The following HNRNPM variants were observed in gnomAD, a reference collection of about 807,000 sequenced individuals.
HNRNPM encodes heterogeneous nuclear ribonucleoprotein M, also known as CEA receptor.
In HNRNPM, 11 loss-of-function variants were observed where a neutral mutation model predicts 73.1. That is an observed-to-expected ratio of 0.15 (90% CI 0.09 to 0.25). The LOEUF (loss-of-function observed/expected upper bound fraction) is 0.25. Among genes scored for constraint, HNRNPM ranks in the 10% least tolerant of loss-of-function variants. HNRNPM has a pLI of 1.00. For missense variants in HNRNPM, 789 were observed against 1,067.9 expected (o/e 0.74, Z 3.64); for synonymous variants, 407 against 355.2 (o/e 1.15, Z -1.64).
intron 5 of HNRNPM, among the ~76,000 whole-genome samples, chr19:8,464,616 G>A (rs1340174181): frequency 2.6e-5 from 4 of 152,194 alleles, no homozygotes; most frequent in Non-Finnish European, 5.9e-5. Flanking sequence ...TGGGCAGTAA[G>A]AGCAAAGCTC....
chr19:8,472,473 A>G (rs920676060), intron 10 of HNRNPM, among the ~76,000 whole-genome samples: 3 of 152,130 alleles, frequency 2.0e-5, no homozygotes, highest in Non-Finnish European at 2.9e-5. Flanking sequence ...CCCCGACCCA[A>G]AACACACACA....
intron 2 of HNRNPM, among the ~76,000 whole-genome samples, chr19:8,459,054 A>G (rs757100465): frequency 1.3e-5 from 2 of 152,046 alleles, no homozygotes; most frequent in Non-Finnish European, 2.9e-5. Context: ...CAGCCTCCCA[A>G]GTAGCCGGGA....
At position 8,481,114 on chromosome 19, in the gene HNRNPM, C is replaced by T. The variant is rs142194930; in HGVS notation, c.1121-2044C>T. On this transcript the variant is annotated intron_variant, in intron 12 of 15. Coordinates refer to ENST00000325495, the MANE Select transcript of HNRNPM (RefSeq NM_005968.5). ...AGTGCTTTCCTACTCGGTGCCCCTT[C>T]CTGTGCCTAGGCAGTAGATCTTTGC... 1.3e-3 allele frequency among the ~76,000 whole-genome samples: 193 copies of T among 152,336 alleles called. 3 individuals are homozygous for T. The South Asian group carries it at 0.013, about 11-fold the overall frequency.
Position 8,485,749 on chromosome 19 carries a change from A to ATGGACCGCATGGGCTCCG in HNRNPM, c.1326_1343dup (p.Asp442_Val447dup), listed in dbSNP as rs766619493. ...CGAGATCGAGCGCATGGGCCTGGTCATGGACCGCATGGGCTCCGTGGAGCG... is the reference window on the plus strand; with the variant it reads ...CGAGATCGAGCGCATGGGCCTGGTCATGGACCGCATGGGCTCCGTGGACCGCATGGGCTCCGTGGAGCG... On this transcript the variant is annotated inframe_insertion, in exon 14 of 16. Transcript: ENST00000325495. The ATGGACCGCATGGGCTCCG allele has an allele frequency of 1.2e-6, 2 of 1,604,762 alleles. No individual in the cohort carries two copies. Among genetic ancestry groups the ATGGACCGCATGGGCTCCG allele is most frequent in the South Asian group, 1.1e-5 (1 of 91,022 alleles).
chr19:8,479,746 C>A (rs769108739), intron 12 of HNRNPM, among the ~76,000 whole-genome samples: 118 of 125,672 alleles, frequency 9.4e-4, no homozygotes, highest in Non-Finnish European at 1.6e-3. Context: ...GCCTGGCCAG[C>A]GGTGTATTTA....
intron 14 of HNRNPM, among the ~76,000 whole-genome samples, chr19:8,486,715 G>A (rs998736012): frequency 3.9e-5 from 6 of 152,196 alleles, no homozygotes; most frequent in African/African-American, 9.6e-5. Flanking sequence ...TGGCTGTAAC[G>A]GAATTATTTT....
chr19:8,476,503 T>C (rs112070454), intron 12 of HNRNPM, among the ~76,000 whole-genome samples: 1 of 151,674 alleles, frequency 6.6e-6, no homozygotes, highest in African/African-American at 2.4e-5. Context: ...AATCAAAAGA[T>C]TGTTAAATGT....
At chr19:8,453,643 G>A (rs928633527) in intron 1 of HNRNPM, among the ~76,000 whole-genome samples, 1 of 152,064 alleles carries the variant, frequency 6.6e-6, no homozygotes. Flanking sequence ...CCCGTGGTCT[G>A]GGAGTCACTG....
chr19:8,482,214 C>T (rs1970969900), intron 12 of HNRNPM, among the ~76,000 whole-genome samples: 2 of 152,154 alleles, frequency 1.3e-5, no homozygotes, highest in South Asian at 4.1e-4. Context: ...GCCTTGGCCT[C>T]CCAAAGTGCT....
At chr19:8,486,772 G>A (rs926356016) in intron 14 of HNRNPM, among the ~76,000 whole-genome samples, 3 of 152,222 alleles carry the variant, frequency 2.0e-5, no homozygotes, top group Non-Finnish European at 1.5e-5. Context: ...TGTGGGCTGC[G>A]CACCGCAGGC....
chr19:8,483,019 G>C (rs1971027970), intron 12 of HNRNPM, 139 bp from the exon 13 acceptor site: 1 of 624,876 alleles, frequency 1.6e-6, no homozygotes, highest in East Asian at 2.8e-5. Flanking sequence ...GATCTTGTCT[G>C]TGCGTGTGTT....
intron 13 of HNRNPM, among the ~76,000 whole-genome samples, 186 bp from the exon 14 acceptor site, chr19:8,485,417 C>T (rs543835717): frequency 1.1e-4 from 17 of 152,342 alleles, no homozygotes; most frequent in African/African-American, 3.8e-4. Context: ...AGAGAGAATG[C>T]TGGGAGGCCC....
intron 1 of HNRNPM, among the ~76,000 whole-genome samples, chr19:8,454,686 T>C (rs201950387): frequency 0.034 from 2,061 of 60,206 alleles, 29 homozygotes; most frequent in East Asian, 0.14. Context: ...CCCCCCCCCT[T>C]TTTTTTTTTA....
intron 13 of HNRNPM, among the ~76,000 whole-genome samples, chr19:8,484,949 A>T (rs1024463640): frequency 2.6e-5 from 4 of 151,916 alleles, no homozygotes; most frequent in Non-Finnish European, 4.4e-5. Context: ...TTCCAAAGCC[A>T]GCAAGTCATT....
At chr19:8,471,255 C>A in intron 9 of HNRNPM, 71 bp from the exon 10 acceptor site, 1 of 932,630 alleles carries the variant, frequency 1.1e-6, no homozygotes, top group Non-Finnish European at 1.6e-6. Flanking sequence ...ACTCACTAAA[C>A]ACTCTTTTCC....
At position 8,466,983 on chromosome 19, in the gene HNRNPM, G is replaced by A. The variant is rs535386001; in HGVS notation, c.785-552G>A. 4.5e-4 allele frequency among the ~76,000 whole-genome samples: 69 copies of A among 152,220 alleles called. 2 individuals carry two copies. Among genetic ancestry groups the A allele is most frequent in the South Asian group, 3.9e-3 (19 of 4,830 alleles). On this transcript the variant is annotated intron_variant, in intron 7 of 15. Coordinates refer to ENST00000325495, the MANE Select transcript of HNRNPM (RefSeq NM_005968.5). ...CTAGGTTTGAAGGAGGAAGTCCAAA[G>A]AATGTGCTACTAGAGAGAAAGTGGG...
intron 12 of HNRNPM, among the ~76,000 whole-genome samples, chr19:8,482,249 G>A (rs1258423711): frequency 4.6e-5 from 7 of 152,164 alleles, no homozygotes; most frequent in Admixed American, 2.0e-4. Flanking sequence ...GAGCTACTGC[G>A]CGGCCGGGGG....
rs776820981 is a variant in HNRNPM, at chr19:8,485,995, G to A, written c.1567G>A (p.Glu523Lys). Residue 523 changes from glutamate (E) to lysine (K), a missense_variant, in exon 14 of 16, where the codon GAG becomes AAG. By Grantham distance (56) the Glu-to-Lys change is moderately conservative. This residue lies in a region of HNRNPM where 604 missense variants were observed against 744.0 expected (regional missense o/e 0.81). Coordinates refer to ENST00000325495, the MANE Select transcript of HNRNPM (RefSeq NM_005968.5). The stretch of plus-strand genomic sequence containing the variant: ...CGTGGAGCGCATGGGCCCTGCCATC[G>A]AGCGCATGGGCCTGAGCATGGAGCG... ...SGVERMGPAIERMGLSMERMV... is the reference protein window; with the variant it reads ...SGVERMGPAIKRMGLSMERMV... 4.4e-6 allele frequency: 7 copies of A among 1,605,780 alleles called. No homozygotes were observed. Among genetic ancestry groups the A allele is most frequent in the Non-Finnish European group, 5.9e-6 (7 of 1,179,092 alleles).
Position 8,445,028 on chromosome 19 carries a change from G to A in HNRNPM, c.30G>A (p.Glu10=). Residue 10 remains glutamate (E), a synonymous_variant, in exon 1 of 16, where the codon GAG becomes GAA. Transcript: ENST00000325495. ...CGGCAGGGGTCGAAGCGGCGGCGGA[G>A]GTGGCGGCGACGGAGATCAAAATGG... is the stretch of plus-strand genomic sequence containing the variant. MAAGVEAAA[E]VAATEIKMEE... is the part of the protein sequence containing the mutation. The A allele has an allele frequency of 7.0e-7, 1 of 1,426,036 alleles. No homozygotes were observed. The highest frequency in any genetic ancestry group is 9.1e-7 in the Non-Finnish European group (1 of 1,093,282). The allele number at this position is 1,426,036 out of a possible 1,614,324, so 88.3% of individuals were successfully genotyped here. A position where few individuals can be genotyped will look rare whatever the true frequency, so the allele number is the denominator to read the frequency against.
Sources: allele counts gnomAD v4.1 joint callset (sites outside exome capture counted in the v4.1 genomes callset), GRCh38; gene constraint gnomAD v4.1.1; regional missense constraint gnomAD v4.1.1; transcripts MANE v1.5; gene names NCBI Gene and HGNC (gene_info 2026-07-23, HGNC 2026-07-21).